DIP2C: variants seen among roughly 807,000 people sequenced by gnomAD.
The protein encoded by DIP2C is disco-interacting protein 2 homolog C.
In DIP2C, 33 loss-of-function variants were observed where a neutral mutation model predicts 192.4. That is an observed-to-expected ratio of 0.17 (90% CI 0.13 to 0.23). DIP2C has a LOEUF of 0.23. DIP2C is among the 10% of genes least tolerant of loss of function. DIP2C has a pLI of 1.00. For missense variants in DIP2C, 1,537 were observed against 2,110.1 expected (o/e 0.73, Z 5.32); for synonymous variants, 979 against 864.1 (o/e 1.13, Z -2.33).
intron 1 of DIP2C, among the ~76,000 whole-genome samples, chr10:544,667 T>C (rs892837037): frequency 9.0e-4 from 137 of 152,382 alleles, no homozygotes; most frequent in African/African-American, 2.9e-3. Context: ...GTTTTCATTT[T>C]CATTTCTAAG....
intron 8 of DIP2C, among the ~76,000 whole-genome samples, chr10:411,784 C>T (rs1203237667): frequency 6.6e-6 from 1 of 152,252 alleles, no homozygotes; most frequent in Non-Finnish European, 1.5e-5. Context: ...TCTGACTCAT[C>T]GTAGCAACAC....
intron 1 of DIP2C, chr10:668,269 CAT>C (rs1369296704): frequency 1.3e-5 from 2 of 151,818 alleles, no homozygotes; most frequent in Non-Finnish European, 2.9e-5. Flanking sequence ...ACAACACACT[CAT>C]ACAACATACA....
chr10:514,452 T>G (rs1193874427), intron 1 of DIP2C, among the ~76,000 whole-genome samples: 1 of 152,144 alleles, frequency 6.6e-6, no homozygotes, highest in Non-Finnish European at 1.5e-5. Context: ...TCCGAGGAAT[T>G]TACACTGCAA....
intron 17 of DIP2C, among the ~76,000 whole-genome samples, chr10:379,205 AC>A (rs1268882949): frequency 1.9e-4 from 3 of 16,160 alleles, no homozygotes; most frequent in African/African-American, 5.2e-4. Context: ...CCCCCCCCCC[AC>A]AACCCCTGAC....
intron 1 of DIP2C, among the ~76,000 whole-genome samples, chr10:616,844 G>A (rs1342937804): frequency 6.6e-6 from 1 of 152,182 alleles, no homozygotes; most frequent in Non-Finnish European, 1.5e-5. Flanking sequence ...TCAGCGAGAG[G>A]CCGCCGTGGC....
intron 2 of DIP2C, among the ~76,000 whole-genome samples, chr10:475,819 G>A (rs1333180540): frequency 3.9e-5 from 6 of 152,168 alleles, no homozygotes; most frequent in Admixed American, 6.6e-5. Context: ...ACAAATAGGC[G>A]TCGCTCAACT....
intron 6 of DIP2C, among the ~76,000 whole-genome samples, chr10:418,828 C>A: frequency 6.6e-6 from 1 of 152,246 alleles, no homozygotes; most frequent in East Asian, 1.9e-4. Flanking sequence ...CTTCTCATGA[C>A]TAAATTCCTA....
At position 578,542 on chromosome 10, in the gene DIP2C, T is replaced by C. The variant is rs548902971; in HGVS notation, c.86-92012A>G. Among the ~76,000 whole-genome samples the C allele has an allele frequency of 3.9e-5, 6 of 152,272 alleles. No individual in the cohort carries two copies. The East Asian group carries it at 1.2e-3, about 29-fold the overall frequency. ...ACACACACATCAAGGAAGTGATTGGTTCCTAAATCATTGCAAAGCATCTAC... is the reference window on the plus strand; with the variant it reads ...ACACACACATCAAGGAAGTGATTGGCTCCTAAATCATTGCAAAGCATCTAC... On this transcript the variant is annotated intron_variant, in intron 1 of 36. Coordinates refer to ENST00000280886, the MANE Select transcript of DIP2C (RefSeq NM_014974.3).
At chr10:376,801 G>A (rs1014730522) in intron 17 of DIP2C, among the ~76,000 whole-genome samples, 2 of 152,168 alleles carry the variant, frequency 1.3e-5, no homozygotes, top group Admixed American at 6.5e-5. Flanking sequence ...AAGGACAGGA[G>A]CAGTTAAGCT....
At chr10:604,896 TTC>T (rs1852354640) in intron 1 of DIP2C, among the ~76,000 whole-genome samples, 1 of 152,170 alleles carries the variant, frequency 6.6e-6, no homozygotes, top group South Asian at 2.1e-4. Context: ...GCACCCGAGT[TTC>T]TGTCAGAAGT....
At chr10:504,212 T>C (rs969564574) in intron 1 of DIP2C, among the ~76,000 whole-genome samples, 3 of 152,302 alleles carry the variant, frequency 2.0e-5, no homozygotes. Flanking sequence ...TCAATCACTG[T>C]CAAATCACTG....
In DIP2C at chr10:536,430, C is replaced by T. The variant is rs113509750; in HGVS notation, c.86-49900G>A. On this transcript the variant is annotated intron_variant, in intron 1 of 36. Coordinates refer to ENST00000280886, the MANE Select transcript of DIP2C (RefSeq NM_014974.3). ...GCAAAGACCCTGTTCCCCATAGGGA[C>T]GTCACAGTCCCGGGGGCTAGAGTTG... Among the ~76,000 whole-genome samples, 77 of 152,220 alleles carry T rather than the reference C, an allele frequency of 5.1e-4. 1 individual carries two copies. The highest frequency in any genetic ancestry group is 1.6e-3 in the African/African-American group (67 of 41,540).
chr10:668,825 T>C (rs1564326991), intron 1 of DIP2C: 1 of 152,398 alleles, frequency 6.6e-6, no homozygotes, highest in East Asian at 1.9e-4. Context: ...AGCATGTTTA[T>C]CATCTGCTCC....
intron 1 of DIP2C, among the ~76,000 whole-genome samples, chr10:590,735 T>TA (rs902079199): frequency 1.6e-4 from 24 of 152,160 alleles, no homozygotes; most frequent in African/African-American, 5.3e-4. Context: ...GAAAGCAGAT[T>TA]AAAAATAGAA....
At chr10:542,445 G>C (rs1848050161) in intron 1 of DIP2C, among the ~76,000 whole-genome samples, 1 of 152,174 alleles carries the variant, frequency 6.6e-6, no homozygotes. Flanking sequence ...CGGTGTCAAA[G>C]AGGCAGGACC....
chr10:277,088 C>T lies in DIP2C; in HGVS notation c.*237G>A. On this transcript the variant is annotated 3_prime_UTR_variant, in exon 37 of 37. Transcript: ENST00000280886. ...AAAGTTTTGAAATGGGCTTTTCCAACAAACTGAAGGCAGTAATCCAAAGTC... is the reference window on the plus strand; with the variant it reads ...AAAGTTTTGAAATGGGCTTTTCCAATAAACTGAAGGCAGTAATCCAAAGTC... The T allele has an allele frequency of 2.2e-6, 1 of 455,178 alleles. No homozygotes were observed. Among genetic ancestry groups the T allele is most frequent in the East Asian group, 3.5e-5 (1 of 28,712 alleles). 28.2% of individuals were successfully genotyped at this position (455,178 alleles called of 1,614,324 possible). A position where few individuals can be genotyped will look rare whatever the true frequency, so the allele number is the denominator to read the frequency against.
chr10:502,705 A>C (rs1461678495), intron 1 of DIP2C, among the ~76,000 whole-genome samples: 8 of 152,312 alleles, frequency 5.3e-5, no homozygotes, highest in East Asian at 3.9e-4. Flanking sequence ...TGGGACCTAA[A>C]TGTTAAAAAC....
chr10:349,514 A>C (rs948102120), intron 24 of DIP2C, 60 bp from the exon 25 acceptor site: 36 of 1,564,488 alleles, frequency 2.3e-5, no homozygotes, highest in Middle Eastern at 1.7e-4. Context: ...GCTTGCAGAG[A>C]GCGCGCACGC....
At chr10:281,348 A>G (rs778238253) in intron 35 of DIP2C, 25 bp from the exon 36 acceptor site, 1 of 1,589,500 alleles carries the variant, frequency 6.3e-7, no homozygotes, top group Non-Finnish European at 8.6e-7. Flanking sequence ...CAGCCTGCGT[A>G]AGCTTCCCCA....
Sources: allele counts gnomAD v4.1 joint callset (sites outside exome capture counted in the v4.1 genomes callset), GRCh38; gene constraint gnomAD v4.1.1; transcripts MANE v1.5; gene names NCBI Gene and HGNC (gene_info 2026-07-23, HGNC 2026-07-21).